The following APBA2 variants were observed in gnomAD, a reference collection of about 807,000 sequenced individuals.
The protein encoded by APBA2 is amyloid beta precursor protein binding family A member 2.
A neutral mutation model predicts 75.0 loss-of-function variants in APBA2; 30 were observed. The ratio of observed to expected loss-of-function variants is 0.40; its 90% CI spans 0.30 to 0.54. The LOEUF is 0.54. Ranked by LOEUF, APBA2 falls within the 20% of genes least tolerant of loss-of-function variation. The probability of loss-of-function intolerance (pLI) is 0.49; values close to 1 mark genes in which losing one functional copy is unlikely to be tolerated. For missense variants in APBA2, 801 were observed against 1,016.1 expected, an observed-to-expected ratio of 0.79 and a Z score of 2.88; for synonymous variants, 444 against 409.6, an observed-to-expected ratio of 1.08 and a Z score of -1.01.
rs1364830339 is a variant in APBA2 at position 28,918,762 on chromosome 15, T to G, written c.-204-2878T>G. Among the ~76,000 whole-genome samples, 1 of 152,058 alleles carries G rather than the reference T, an allele frequency of 6.6e-6. No homozygotes were observed. Among genetic ancestry groups the G allele is most frequent in the Non-Finnish European group, 1.5e-5 (1 of 68,012 alleles). On this transcript the variant is annotated intron_variant, in intron 1 of 14. Transcript: ENST00000683413. This position sits in a 1 kb window ranked among gnomAD's most constrained non-coding sequence, Gnocchi z 4.2. Reference sequence around the variant, plus strand: ...GCGGGCGACCGGTCGCTTGGCGTCCTGCTTGGGGTTGTTGCCCACATCACC... The same window carrying G: ...GCGGGCGACCGGTCGCTTGGCGTCCGGCTTGGGGTTGTTGCCCACATCACC...
At chr15:29,057,700 G>A (rs116129159) in intron 4 of APBA2, among the ~76,000 whole-genome samples, 4 of 152,286 alleles carry the variant, frequency 2.6e-5, no homozygotes, top group African/African-American at 7.2e-5. Context: ...CCATTTGGGC[G>A]ATGATGTGCT....
Position 29,054,067 on chromosome 15 carries a change from G to A in APBA2, c.183G>A (p.Gln61=). The stretch of plus-strand genomic sequence containing the variant: ...CAGAGAGCCCCGCGCCAGAGGAACA[G>A]GAGTGCCACAACCACAGCCCCGATG... The part of the protein sequence containing the change: ...LRPESPAPEE[Q]ECHNHSPDGD... Residue 61 remains glutamine, a synonymous_variant, in exon 4 of 15, where the codon CAG becomes CAA. Transcript: ENST00000683413. The surrounding 1 kb of genome is among the most constrained non-coding windows in gnomAD (Gnocchi z 6.1). 6.2e-7 allele frequency: 1 copy of A among 1,614,022 alleles called. No individual in the cohort carries two copies.
intron 3 of APBA2, among the ~76,000 whole-genome samples, chr15:29,037,207 G>C (rs1234986994): frequency 2.0e-5 from 3 of 152,124 alleles, no homozygotes; most frequent in Non-Finnish European, 4.4e-5. Context: ...AATTTATCCA[G>C]TGGAGTTTAA....
Position 29,054,816 on chromosome 15 carries a change from T to G in APBA2, c.932T>G (p.Leu311Arg). The G allele has an allele frequency of 6.3e-7, 1 of 1,599,360 alleles. No individual in the cohort carries two copies. ...KPKTRTPEER[L>R]KWPHEQVCNG... is the part of the protein sequence containing the mutation. ...AAGACCAGGACCCCAGAAGAGAGGCTGAAGTGGCCCCACGAGCAGGTAGGA... is the reference window on the plus strand; with the variant it reads ...AAGACCAGGACCCCAGAAGAGAGGCGGAAGTGGCCCCACGAGCAGGTAGGA... Residue 311 changes from leucine to arginine, a missense_variant, in exon 4 of 15, where the codon CTG becomes CGG. Transcript: ENST00000683413. The surrounding 1 kb of genome is among the most constrained non-coding windows in gnomAD (Gnocchi z 6.1).
At chr15:29,067,017 C>A (rs922112457) in intron 4 of APBA2, among the ~76,000 whole-genome samples, 1 of 152,080 alleles carries the variant, frequency 6.6e-6, no homozygotes, top group Non-Finnish European at 1.5e-5. Flanking sequence ...AGAGTGGGAG[C>A]CAGCACTTCA....
chr15:29,061,422 G>A (rs781113808), intron 4 of APBA2, among the ~76,000 whole-genome samples: 1 of 152,138 alleles, frequency 6.6e-6, no homozygotes, highest in Non-Finnish European at 1.5e-5. Context: ...CCACACCTTG[G>A]AATGGCAAAC....
At chr15:28,949,706 T>C (rs1047315489) in intron 2 of APBA2, among the ~76,000 whole-genome samples, 1 of 152,186 alleles carries the variant, frequency 6.6e-6, no homozygotes, top group African/African-American at 2.4e-5. Flanking sequence ...TGGGCTCAAG[T>C]GATCCTCATG....
intron 3 of APBA2, among the ~76,000 whole-genome samples, chr15:29,026,588 C>T (rs1305113106): frequency 1.3e-5 from 2 of 152,118 alleles, no homozygotes; most frequent in Non-Finnish European, 2.9e-5. Context: ...TTCCTTATCA[C>T]CTGGAGCTGT....
At chr15:28,887,967 A>C (rs1285213625) in intron 1 of APBA2, among the ~76,000 whole-genome samples, 1 of 152,026 alleles carries the variant, frequency 6.6e-6, no homozygotes, top group Non-Finnish European at 1.5e-5. Context: ...GCTGAGTCCC[A>C]CGGGGTGTGA....
chr15:29,019,610 G>A (rs2152827852), intron 3 of APBA2, among the ~76,000 whole-genome samples: 1 of 152,290 alleles, frequency 6.6e-6, no homozygotes, highest in East Asian at 1.9e-4. Flanking sequence ...TCTGCTGCCG[G>A]AGTTGTTCAG....
intron 3 of APBA2, among the ~76,000 whole-genome samples, chr15:29,040,382 C>T (rs138271893): frequency 2.4e-4 from 37 of 152,262 alleles, no homozygotes; most frequent in African/African-American, 8.7e-4. Context: ...CTGGTAGTAG[C>T]GGAATATGGA....
intron 2 of APBA2, among the ~76,000 whole-genome samples, chr15:28,955,134 A>G (rs1032048652): frequency 5.3e-5 from 8 of 151,792 alleles, no homozygotes; most frequent in African/African-American, 1.5e-4. Context: ...TTGATTTTCA[A>G]CCCCGTAAAA....
At position 29,074,941 on chromosome 15, in the gene APBA2, G is replaced by A. The variant is rs779862143; in HGVS notation, c.972G>A (p.Gln324=). 4.3e-6 allele frequency: 7 copies of A among 1,614,154 alleles called. No homozygotes were observed. The East Asian group carries it at 1.6e-4, about 36-fold the overall frequency. ...PHEQVCNGLE[Q]PRKQQRSDLN... is the part of the protein sequence containing the mutation. Reference sequence around the variant, plus strand: ...TCCAGGTTTGCAATGGTCTGGAGCAGCCAAGGAAGCAGCAGCGCTCTGATC... The same window carrying A: ...TCCAGGTTTGCAATGGTCTGGAGCAACCAAGGAAGCAGCAGCGCTCTGATC... Residue 324 remains glutamine (Q), a synonymous_variant, in exon 5 of 15, where the codon CAG becomes CAA. Coordinates refer to ENST00000683413, the MANE Select transcript of APBA2 (RefSeq NM_001353788.2).
At chr15:29,037,066 A>G (rs1175499328) in intron 3 of APBA2, among the ~76,000 whole-genome samples, 1 of 152,098 alleles carries the variant, frequency 6.6e-6, no homozygotes, top group Non-Finnish European at 1.5e-5. Flanking sequence ...TAAATTATTT[A>G]AAATAAAATT....
intron 3 of APBA2, among the ~76,000 whole-genome samples, chr15:29,007,164 G>A (rs1261073053): frequency 6.6e-6 from 1 of 152,174 alleles, no homozygotes; most frequent in Non-Finnish European, 1.5e-5. Context: ...GTGGGGAAAG[G>A]ATAGTTTCTT....
At chr15:28,994,610 A>G (rs964358278) in intron 2 of APBA2, among the ~76,000 whole-genome samples, 5 of 152,322 alleles carry the variant, frequency 3.3e-5, no homozygotes, top group South Asian at 2.1e-4. Flanking sequence ...TCTCCTTTAC[A>G]TGGGGACCAG....
intron 2 of APBA2, among the ~76,000 whole-genome samples, chr15:28,935,491 G>A (rs759953222): frequency 5.3e-5 from 8 of 152,232 alleles, no homozygotes; most frequent in Non-Finnish European, 7.3e-5. Flanking sequence ...ATGGACAGTG[G>A]CTGTCAGGGC....
At chr15:28,931,404 G>A (rs1270216582) in intron 2 of APBA2, among the ~76,000 whole-genome samples, 1 of 152,214 alleles carries the variant, frequency 6.6e-6, no homozygotes, top group Non-Finnish European at 1.5e-5. Flanking sequence ...CTGAGACTCA[G>A]AGGGAGTCTC....
At chr15:29,098,447 G>A (rs370493602) in intron 8 of APBA2, 43 bp from the exon 9 acceptor site, 50 of 1,402,220 alleles carry the variant, frequency 3.6e-5, no homozygotes, top group Non-Finnish European at 4.3e-5. Flanking sequence ...CCTCTATTCC[G>A]AGTTGGTTTT....
Sources: gnomAD v4.1 joint callset for allele counts (sites outside exome capture counted in the v4.1 genomes callset) on GRCh38, gnomAD v4.1.1 for gene constraint, Gnocchi (gnomAD v3.1) non-coding constraint, MANE v1.5 for transcripts, NCBI Gene and HGNC (gene_info 2026-07-23, HGNC 2026-07-21) for gene names.